TRIM49: variants seen among roughly 807,000 people sequenced by gnomAD.
The protein encoded by TRIM49 is tripartite motif containing 49.
TRIM49 carries 5 observed loss-of-function variants against 27.4 expected under a neutral mutation model. That is an observed-to-expected ratio of 0.18 (90% CI 0.10 to 0.38). The LOEUF (loss-of-function observed/expected upper bound fraction) is 0.38, where lower values mean the gene tolerates loss of function less well. Ranked by LOEUF, TRIM49 falls within the 10% of genes least tolerant of loss-of-function variation. The probability of loss-of-function intolerance (pLI) is 1.00; values close to 1 mark genes in which losing one functional copy is unlikely to be tolerated. For synonymous variants in TRIM49, 69 were observed against 166.0 expected (o/e 0.42, Z 4.49); for missense variants, 188 against 487.5 (o/e 0.39, Z 5.79).
downstream of TRIM49, among the ~76,000 whole-genome samples, chr11:89,796,340 G>A (rs371429972): frequency 6.4e-4 from 96 of 148,946 alleles, no homozygotes; most frequent in Admixed American, 4.0e-4. Flanking sequence ...ACGAGCCATC[G>A]TGCTGCATCA....
downstream of TRIM49, chr11:89,797,576 C>T (rs1347934287): frequency 1.3e-5 from 2 of 151,862 alleles, no homozygotes; most frequent in Non-Finnish European, 2.9e-5. Flanking sequence ...TCAATGTAGA[C>T]GAGCACACTA....
intron 4 of TRIM49, among the ~76,000 whole-genome samples, chr11:89,802,668 C>A (rs1949748147): frequency 6.6e-6 from 1 of 150,986 alleles, no homozygotes; most frequent in Non-Finnish European, 1.5e-5. Context: ...ACATATATAT[C>A]CACACACACA....
the TRIM49 span, among the ~76,000 whole-genome samples, chr11:89,785,083 T>G: frequency 6.7e-6 from 1 of 148,546 alleles, no homozygotes; most frequent in Non-Finnish European, 1.5e-5. Context: ...AAGAAGTTAT[T>G]TATCAATAGC....
chr11:89,769,327 C>A, the TRIM49 span, among the ~76,000 whole-genome samples: 1 of 135,120 alleles, frequency 7.4e-6, no homozygotes, highest in Non-Finnish European at 1.5e-5. Flanking sequence ...ACCAGTAAGA[C>A]CTATTGACAG....
the TRIM49 span, chr11:89,787,556 T>G: frequency 6.4e-6 from 5 of 785,016 alleles, no homozygotes; most frequent in Non-Finnish European, 9.4e-6. Flanking sequence ...TGCCGACCCC[T>G]CCCCGCGGAA....
intron 3 of TRIM49, 77 bp from the exon 4 acceptor site, chr11:89,803,870 G>C (rs1317211703): frequency 7.8e-6 from 6 of 768,690 alleles, no homozygotes; most frequent in Non-Finnish European, 1.3e-5. Context: ...AGACAAATAA[G>C]CCCCTAGTAA....
chr11:89,803,595 T>A, intron 4 of TRIM49, 103 bp downstream of exon 4: 2 of 1,468,132 alleles, frequency 1.4e-6, no homozygotes, highest in Admixed American at 2.3e-5. Context: ...TTTTTTTTAC[T>A]GTATCCCAGA....
At chr11:89,808,105 C>T (rs1392240471) in intron 1 of TRIM49, among the ~76,000 whole-genome samples, 1 of 141,612 alleles carries the variant, frequency 7.1e-6, no homozygotes, top group Non-Finnish European at 1.5e-5. Context: ...TTGGGGATTA[C>T]ACATAACTTT....
At chr11:89,768,560 G>A in the TRIM49 span, among the ~76,000 whole-genome samples, 2 of 135,554 alleles carry the variant, frequency 1.5e-5, 1 homozygote, top group Non-Finnish European at 3.0e-5. Flanking sequence ...TTGTATTCTA[G>A]CAACTTCTGC....
chr11:89,769,025 C>CA, the TRIM49 span, among the ~76,000 whole-genome samples: 12 of 135,914 alleles, frequency 8.8e-5, 3 homozygotes, highest in South Asian at 6.8e-4. Flanking sequence ...CTAAAAAATG[C>CA]AAAAAAATTA....
chr11:89,769,574 C>G, the TRIM49 span, among the ~76,000 whole-genome samples: 1 of 131,420 alleles, frequency 7.6e-6, no homozygotes, highest in Non-Finnish European at 1.5e-5. Context: ...CAAAGACTCT[C>G]AGGCCCAGCA....
chr11:89,784,085 G>A, the TRIM49 span, among the ~76,000 whole-genome samples: 1 of 123,602 alleles, frequency 8.1e-6, no homozygotes, highest in African/African-American at 4.6e-5. Flanking sequence ...GATATATCTG[G>A]GAATGCTGTT....
chr11:89,805,499 C>T lies in TRIM49; in HGVS notation c.-4-1026G>A, dbSNP rs539938225. Reference sequence around the variant, plus strand: ...AAGGCAGAAAAAAGGCAACTTCCTCCGTCTCTCTCCTGAAACTTGTTCTGA... The same window carrying T: ...AAGGCAGAAAAAAGGCAACTTCCTCTGTCTCTCTCCTGAAACTTGTTCTGA... On this transcript the variant is annotated intron_variant, in intron 2 of 7. Transcript: ENST00000329758. Among the ~76,000 whole-genome samples, 12 of 151,844 alleles carry T rather than the reference C, an allele frequency of 7.9e-5. No homozygotes were observed. In the East Asian group the frequency reaches 2.1e-3, roughly 27 times the overall value.
At chr11:89,794,327 G>A (rs1212176826), downstream of TRIM49, among the ~76,000 whole-genome samples, 1 of 121,226 alleles carries the variant, frequency 8.2e-6, no homozygotes, top group African/African-American at 3.2e-5. Context: ...GTAATTTATA[G>A]ATTCAATGCC....
downstream of TRIM49, among the ~76,000 whole-genome samples, chr11:89,796,352 C>G (rs551341208): frequency 1.9e-3 from 289 of 148,330 alleles, no homozygotes; most frequent in Non-Finnish European, 3.4e-3. Context: ...GCTGCATCAG[C>G]CCCCTGAGTA....
At chr11:89,796,708 G>A (rs1398759679), downstream of TRIM49, among the ~76,000 whole-genome samples, 1 of 150,530 alleles carries the variant, frequency 6.6e-6, no homozygotes, top group Non-Finnish European at 1.5e-5. Context: ...ATTGGCATAT[G>A]TTTATTAACT....
chr11:89,783,505 T>G, the TRIM49 span, among the ~76,000 whole-genome samples: 2 of 118,440 alleles, frequency 1.7e-5, no homozygotes, highest in African/African-American at 7.5e-5. Context: ...TTTTATAGGG[T>G]TGATTTCAAT....
chr11:89,806,030 A>G (rs909967734), intron 2 of TRIM49, among the ~76,000 whole-genome samples: 3 of 150,662 alleles, frequency 2.0e-5, no homozygotes, highest in Admixed American at 1.3e-4. Context: ...CGGCGGTTTC[A>G]TTGTTTTAAT....
the TRIM49 span, among the ~76,000 whole-genome samples, chr11:89,784,007 G>A: frequency 7.1e-6 from 1 of 140,754 alleles, no homozygotes; most frequent in Admixed American, 6.9e-5. Flanking sequence ...ATCACCTGGT[G>A]TTTTTCACAA....
Sources: allele counts gnomAD v4.1 joint callset (sites outside exome capture counted in the v4.1 genomes callset), GRCh38; gene constraint gnomAD v4.1.1; transcripts MANE v1.5; gene names NCBI Gene and HGNC (gene_info 2026-07-23, HGNC 2026-07-21).